ATL1: variants seen among roughly 807,000 people sequenced by gnomAD.
ATL1 encodes atlastin-1.
A neutral mutation model predicts 75.5 loss-of-function variants in ATL1; 31 were observed. The ratio of observed to expected loss-of-function variants is 0.41; its 90% CI spans 0.31 to 0.55. The LOEUF (loss-of-function observed/expected upper bound fraction) is 0.55, where lower values mean the gene tolerates loss of function less well. Among genes scored for constraint, ATL1 ranks in the 20% least tolerant of loss-of-function variants. The pLI is 0.27. For synonymous variants in ATL1, 226 were observed against 233.3 expected, an observed-to-expected ratio of 0.97 and a Z score of 0.28; for missense variants, 405 against 662.6, an observed-to-expected ratio of 0.61 and a Z score of 4.27.
intron 1 of ATL1, among the ~76,000 whole-genome samples, chr14:50,573,814 T>C (rs1217398708): frequency 6.6e-6 from 1 of 152,196 alleles, no homozygotes; most frequent in Non-Finnish European, 1.5e-5. Context: ...TCATAGACCT[T>C]TGAACTATGT....
chr14:50,594,606 A>G (rs1164892881), intron 5 of ATL1, among the ~76,000 whole-genome samples: 1 of 152,236 alleles, frequency 6.6e-6, no homozygotes. Flanking sequence ...AACTGGCGAC[A>G]GTACTGAGAA....
chr14:50,619,461 C>T (rs2039446198), intron 8 of ATL1, among the ~76,000 whole-genome samples: 1 of 152,202 alleles, frequency 6.6e-6, no homozygotes, highest in East Asian at 1.9e-4. Context: ...CCTCGGCCTC[C>T]CAAAGTGCCG....
At chr14:50,551,073 C>T (rs1367668786) in intron 1 of ATL1, among the ~76,000 whole-genome samples, 2 of 151,836 alleles carry the variant, frequency 1.3e-5, no homozygotes, top group Non-Finnish European at 2.9e-5. Flanking sequence ...AAATTCAAGA[C>T]AGATGAAACA....
intron 1 of ATL1, among the ~76,000 whole-genome samples, chr14:50,535,418 G>A (rs2038479099): frequency 6.6e-6 from 1 of 152,194 alleles, no homozygotes; most frequent in Admixed American, 6.5e-5. Flanking sequence ...ACAGATTTAA[G>A]CAATCTGGTA....
chr14:50,615,720 T>C (rs2039408624), intron 8 of ATL1, among the ~76,000 whole-genome samples: 1 of 152,214 alleles, frequency 6.6e-6, no homozygotes, highest in African/African-American at 2.4e-5. Context: ...AATTACCTAA[T>C]GGCTTTAATG....
chr14:50,589,750 G>C lies in ATL1; in HGVS notation c.283-1191G>C, dbSNP rs117403744. Among the ~76,000 whole-genome samples the C allele has an allele frequency of 7.1e-3, 1,088 of 152,272 alleles. 3 individuals carry two copies. The highest frequency in any genetic ancestry group is 0.014 in the Middle Eastern group (4 of 294). Reference sequence around the variant, plus strand: ...AGAACAAATTCACAGAAGAACCAAAGCTCTTGATAACGGTCTAAAATGCCT... The same window carrying C: ...AGAACAAATTCACAGAAGAACCAAACCTCTTGATAACGGTCTAAAATGCCT... On this transcript the variant is annotated intron_variant, in intron 2 of 13. Transcript: ENST00000358385.
At chr14:50,542,263 A>G (rs1017219270) in intron 1 of ATL1, among the ~76,000 whole-genome samples, 9 of 123,884 alleles carry the variant, frequency 7.3e-5, no homozygotes, top group Admixed American at 5.6e-4. Flanking sequence ...GGGGAACATC[A>G]CACACCGGGG....
At chr14:50,570,504 G>A (rs1566717487) in intron 1 of ATL1, among the ~76,000 whole-genome samples, 2 of 152,050 alleles carry the variant, frequency 1.3e-5, no homozygotes, top group African/African-American at 4.8e-5. Context: ...CCTTCCCAAA[G>A]TACTTAAGTT....
At chr14:50,607,327 G>A (rs2039324678) in intron 6 of ATL1, among the ~76,000 whole-genome samples, 1 of 152,066 alleles carries the variant, frequency 6.6e-6, no homozygotes, top group Non-Finnish European at 1.5e-5. Flanking sequence ...AGCTCTGCTG[G>A]TGAGGCATAG....
intron 8 of ATL1, 32 bp from the exon 9 acceptor site, chr14:50,620,567 A>C: frequency 6.2e-7 from 1 of 1,601,634 alleles, no homozygotes; most frequent in Non-Finnish European, 8.5e-7. Context: ...GAAGGATTCC[A>C]AAAATAATAA....
At chr14:50,611,983 A>G (rs1406846449) in intron 6 of ATL1, among the ~76,000 whole-genome samples, 2 of 152,188 alleles carry the variant, frequency 1.3e-5, no homozygotes, top group African/African-American at 4.8e-5. Context: ...AGCACTATTC[A>G]TGCCAGCCAA....
chr14:50,629,950 G>A (rs1217168405), intron 12 of ATL1, 45 bp from the exon 13 acceptor site: 1 of 1,480,890 alleles, frequency 6.8e-7, no homozygotes, highest in Non-Finnish European at 9.3e-7. Context: ...TAATAAAGCA[G>A]GATATATACT....
chr14:50,594,996 C>T (rs1342633488), intron 5 of ATL1, among the ~76,000 whole-genome samples: 39 of 102,278 alleles, frequency 3.8e-4, no homozygotes, highest in Admixed American at 3.2e-3. Context: ...GAGACCCTGT[C>T]TCAAAAAAAA....
In ATL1 at chr14:50,554,493, G is replaced by T. The variant is rs143479590; in HGVS notation, c.-139-5634G>T. Among the ~76,000 whole-genome samples, 303 of 152,296 alleles carry T rather than the reference G, an allele frequency of 2.0e-3. 1 individual carries two copies. Among genetic ancestry groups the T allele is most frequent in the African/African-American group, 6.8e-3 (281 of 41,564 alleles). ...AGAATATAAAGAGCTGGGGAATGGG[G>T]TGGATTGTAGTGTGATGTGTCCCCA... On this transcript the variant is annotated intron_variant, in intron 1 of 13. Coordinates refer to the ATL1 transcript ENST00000441560.
chr14:50,542,834 G>C (rs557570571), intron 1 of ATL1, among the ~76,000 whole-genome samples: 1 of 152,226 alleles, frequency 6.6e-6, no homozygotes, highest in East Asian at 1.9e-4. Context: ...AATTCTCCCA[G>C]TGGATATAAC....
At chr14:50,624,327 C>G (rs947790970) in intron 11 of ATL1, among the ~76,000 whole-genome samples, 3 of 152,022 alleles carry the variant, frequency 2.0e-5, no homozygotes, top group Non-Finnish European at 4.4e-5. Flanking sequence ...ATGCCTGTGT[C>G]ACATTTTGGT....
At chr14:50,626,136 A>C (rs2039518544) in intron 11 of ATL1, among the ~76,000 whole-genome samples, 1 of 152,232 alleles carries the variant, frequency 6.6e-6, no homozygotes, top group Non-Finnish European at 1.5e-5. Context: ...TAATGTTTTC[A>C]TGCCTGCTAA....
intron 6 of ATL1, among the ~76,000 whole-genome samples, chr14:50,604,395 T>C (rs1325248627): frequency 6.6e-6 from 1 of 152,120 alleles, no homozygotes. Context: ...GCAAGAACTT[T>C]GTCATTTACT....
At chr14:50,597,118 G>A (rs1398077581) in intron 6 of ATL1, among the ~76,000 whole-genome samples, 1 of 149,800 alleles carries the variant, frequency 6.7e-6, no homozygotes, top group Non-Finnish European at 1.5e-5. Context: ...GCTGAGACAG[G>A]AGAATCACTT....
Sources: allele counts gnomAD v4.1 joint callset (sites outside exome capture counted in the v4.1 genomes callset), GRCh38; gene constraint gnomAD v4.1.1; transcripts MANE v1.5; gene names NCBI Gene and HGNC (gene_info 2026-07-23, HGNC 2026-07-21).